The following SAE1 variants were observed in gnomAD, a reference collection of about 807,000 sequenced individuals.
The protein encoded by SAE1 is SUMO-activating enzyme subunit 1.
Under a neutral mutation model 40.6 loss-of-function variants are expected in SAE1, and 11 were observed. That is an observed-to-expected ratio of 0.27 (90% CI 0.17 to 0.45). The LOEUF is 0.45. Among genes scored for constraint, SAE1 ranks in the 20% least tolerant of loss-of-function variants. The pLI is 1.00. For missense variants in SAE1, 373 were observed against 427.3 expected, an observed-to-expected ratio of 0.87 and a Z score of 1.12; for synonymous variants, 155 against 154.3, an observed-to-expected ratio of 1.00 and a Z score of -0.03.
chr19:47,183,780 G>A (rs750057733), intron 6 of SAE1, among the ~76,000 whole-genome samples: 9 of 152,156 alleles, frequency 5.9e-5, no homozygotes, highest in African/African-American at 1.9e-4. Context: ...ATCTTCCCTC[G>A]GCAAGAGGGG....
chr19:47,142,986 T>TAA (rs2058231500), intron 1 of SAE1, among the ~76,000 whole-genome samples: 1 of 152,214 alleles, frequency 6.6e-6, no homozygotes, highest in Non-Finnish European at 1.5e-5. Context: ...CATAGAAGGA[T>TAA]GCCTGGCATA....
chr19:47,155,084 A>G, intron 4 of SAE1, 30 bp from the exon 5 acceptor site: 1 of 1,365,762 alleles, frequency 7.3e-7, no homozygotes, highest in Non-Finnish European at 1.0e-6. Flanking sequence ...CTAGGGTAAA[A>G]TTACATTCTC....
intron 1 of SAE1, among the ~76,000 whole-genome samples, chr19:47,135,359 A>G (rs1463115033): frequency 1.3e-5 from 2 of 151,978 alleles, no homozygotes; most frequent in Non-Finnish European, 2.9e-5. Flanking sequence ...GGTAACCCTC[A>G]GTCTACTATC....
chr19:47,179,136 G>A (rs2058488642), intron 6 of SAE1, among the ~76,000 whole-genome samples: 1 of 142,648 alleles, frequency 7.0e-6, no homozygotes, highest in Non-Finnish European at 1.5e-5. Flanking sequence ...AGCTTGCAGT[G>A]AGCCGAGATC....
chr19:47,133,394 C>G (rs1373565436), intron 1 of SAE1, among the ~76,000 whole-genome samples: 1 of 152,122 alleles, frequency 6.6e-6, no homozygotes, highest in African/African-American at 2.4e-5. Flanking sequence ...CCCGGCTAAT[C>G]TTGAGTATTT....
intron 6 of SAE1, among the ~76,000 whole-genome samples, chr19:47,174,339 A>G (rs2058454920): frequency 6.7e-6 from 1 of 148,678 alleles, no homozygotes; most frequent in Non-Finnish European, 1.5e-5. Flanking sequence ...CACATAACAT[A>G]AAATTTACCA....
chr19:47,154,480 C>CTTT lies in SAE1; in HGVS notation c.528-606_528-604dup, dbSNP rs57870733. 6.0e-3 allele frequency among the ~76,000 whole-genome samples: 310 copies of CTTT among 51,604 alleles called. 68 individuals carry two copies. Among genetic ancestry groups the CTTT allele is most frequent in the African/African-American group, 0.013 (157 of 11,986 alleles). The allele number at this position is 51,604 out of a possible 152,430, so 33.9% of individuals were successfully genotyped here. On this transcript the variant is annotated intron_variant, in intron 4 of 8. Coordinates refer to ENST00000270225, the MANE Select transcript of SAE1 (RefSeq NM_005500.3). Reference sequence around the variant, plus strand: ...AGCAGAGGGGCAGAATTAAGTTTGGCTTTTTTTTTTTTTTTTTTTTTTTTT... The same window carrying CTTT: ...AGCAGAGGGGCAGAATTAAGTTTGGCTTTTTTTTTTTTTTTTTTTTTTTTTTTT...
intron 8 of SAE1, 35 bp from the exon 9 acceptor site, chr19:47,209,124 C>T: frequency 1.2e-6 from 2 of 1,605,334 alleles, no homozygotes; most frequent in Non-Finnish European, 8.5e-7. Flanking sequence ...TCTTAAAGCA[C>T]TTGAGCTAAA....
chr19:47,190,389 A>G (rs1255836519), intron 6 of SAE1, among the ~76,000 whole-genome samples: 2 of 152,174 alleles, frequency 1.3e-5, no homozygotes, highest in Non-Finnish European at 2.9e-5. Context: ...AAGCAGAACA[A>G]AGGAGAATTT....
chr19:47,188,373 TCA>T (rs1264683715), intron 6 of SAE1, among the ~76,000 whole-genome samples: 1 of 151,078 alleles, frequency 6.6e-6, no homozygotes, highest in East Asian at 1.9e-4. Context: ...AAAAAAATAA[TCA>T]CAAACTGTGA....
intron 2 of SAE1, among the ~76,000 whole-genome samples, chr19:47,144,495 C>T (rs543851525): frequency 2.2e-4 from 34 of 151,878 alleles, no homozygotes; most frequent in Non-Finnish European, 3.2e-4. Context: ...GTCAGGAGAT[C>T]GAGACCATCC....
intron 6 of SAE1, among the ~76,000 whole-genome samples, chr19:47,172,629 A>C (rs1338737866): frequency 6.6e-6 from 1 of 151,898 alleles, no homozygotes; most frequent in African/African-American, 2.4e-5. Context: ...TAAACCTAGG[A>C]GGCAAAAGTT....
At chr19:47,177,001 A>G (rs1446345487) in intron 6 of SAE1, among the ~76,000 whole-genome samples, 1 of 152,252 alleles carries the variant, frequency 6.6e-6, no homozygotes, top group Non-Finnish European at 1.5e-5. Flanking sequence ...ACTTACCAGC[A>G]TGAACAATAA....
intron 7 of SAE1, among the ~76,000 whole-genome samples, chr19:47,201,748 C>A (rs908186048): frequency 2.6e-5 from 4 of 152,062 alleles, no homozygotes; most frequent in African/African-American, 9.7e-5. Context: ...ATTCTTCCAC[C>A]TCAGCCTCCC....
chr19:47,144,445 A>G (rs2058242274), intron 2 of SAE1, among the ~76,000 whole-genome samples: 1 of 152,292 alleles, frequency 6.6e-6, no homozygotes, highest in East Asian at 1.9e-4. Flanking sequence ...CATGCCTGTA[A>G]TCCCAGCACT....
At chr19:47,183,754 G>A (rs1420586534) in intron 6 of SAE1, among the ~76,000 whole-genome samples, 5 of 152,238 alleles carry the variant, frequency 3.3e-5, no homozygotes, top group Admixed American at 1.3e-4. Context: ...CAACAGTCAC[G>A]GGAATGTCCT....
chr19:47,203,535 T>A (rs2058667161), intron 7 of SAE1, 136 bp from the exon 8 acceptor site: 1 of 699,332 alleles, frequency 1.4e-6, no homozygotes, highest in Non-Finnish European at 2.5e-6. Flanking sequence ...ATGCCAGCAT[T>A]AACACTGCTA....
intron 1 of SAE1, among the ~76,000 whole-genome samples, chr19:47,138,042 T>C (rs1156385721): frequency 6.6e-6 from 1 of 150,886 alleles, no homozygotes; most frequent in Non-Finnish European, 1.5e-5. Context: ...GTGTGTGTAT[T>C]TTATTTTTTT....
intron 2 of SAE1, among the ~76,000 whole-genome samples, chr19:47,146,713 C>T (rs573631688): frequency 1.4e-4 from 22 of 152,286 alleles, no homozygotes; most frequent in Admixed American, 3.9e-4. Context: ...GTTAGTGGTA[C>T]GGCCGGGACC....
Sources: allele counts gnomAD v4.1 joint callset (sites outside exome capture counted in the v4.1 genomes callset), GRCh38; gene constraint gnomAD v4.1.1; transcripts MANE v1.5; gene names NCBI Gene and HGNC (gene_info 2026-07-23, HGNC 2026-07-21).